FBXL20: variants seen among roughly 807,000 people sequenced by gnomAD.
The protein encoded by FBXL20 is F-box and leucine rich repeat protein 20, also known as F-box/LRR-repeat protein 20.
A neutral mutation model predicts 64.0 loss-of-function variants in FBXL20; 11 were observed. That is an observed-to-expected ratio of 0.17 (90% CI 0.11 to 0.28). FBXL20 has a LOEUF of 0.28. FBXL20 is among the 10% of genes least tolerant of loss of function. The pLI is 1.00. For synonymous variants in FBXL20, 184 were observed against 189.0 expected, an observed-to-expected ratio of 0.97 and a Z score of 0.22; for missense variants, 303 against 526.2, an observed-to-expected ratio of 0.58 and a Z score of 4.15.
chr17:39,304,659 A>C (rs914252026), intron 2 of FBXL20, among the ~76,000 whole-genome samples: 11 of 152,120 alleles, frequency 7.2e-5, no homozygotes, highest in Non-Finnish European at 1.5e-4. Flanking sequence ...TGGTGCAGTC[A>C]TCATTCACTC....
upstream of FBXL20, chr17:39,402,060 C>T (rs922791369): frequency 5.4e-5 from 53 of 973,246 alleles, no homozygotes; most frequent in Non-Finnish European, 6.8e-5. Flanking sequence ...CACCTGCCTG[C>T]ACAGAACCTC....
At position 39,262,717 on chromosome 17, in the gene FBXL20, G is replaced by A. The variant is rs995719296; in HGVS notation, c.1204-1150C>T. ...TCCAGCTTTTTAAAACTTCTTTTTC[G>A]GCCGGGCGCAGTGGCTCATGCCTGT... On this transcript the variant is annotated intron_variant, in intron 14 of 14. Transcript: ENST00000264658. Among the ~76,000 whole-genome samples the A allele has an allele frequency of 2.6e-5, 4 of 151,762 alleles. No homozygotes were observed. The East Asian group carries it at 5.8e-4, about 22-fold the overall frequency.
At chr17:39,349,089 T>C (rs2047661914) in intron 1 of FBXL20, among the ~76,000 whole-genome samples, 2 of 151,696 alleles carry the variant, frequency 1.3e-5, no homozygotes, top group Non-Finnish European at 2.9e-5. Context: ...CCGTCTCTAC[T>C]AAAAATACAC....
At chr17:39,306,825 G>A (rs1396965206) in intron 2 of FBXL20, among the ~76,000 whole-genome samples, 1 of 152,178 alleles carries the variant, frequency 6.6e-6, no homozygotes, top group East Asian at 1.9e-4. Flanking sequence ...AGAGGCCCAT[G>A]TAAGGGACTG....
chr17:39,397,514 C>G (rs1386785614), intron 1 of FBXL20, among the ~76,000 whole-genome samples: 1 of 152,088 alleles, frequency 6.6e-6, no homozygotes, highest in Admixed American at 6.6e-5. Flanking sequence ...TCCAACAGTA[C>G]TACATCCTCA....
rs531343507 is a variant in FBXL20 at position 39,337,794 on chromosome 17, G to A, written c.104+5386C>T. On this transcript the variant is annotated intron_variant, in intron 2 of 14. Coordinates refer to ENST00000264658, the MANE Select transcript of FBXL20 (RefSeq NM_032875.3). Reference sequence around the variant, plus strand: ...GGAGGTGGGGGTCAGCCCCCGCCAGGCCAGCTGCCCCGTCCAGGAGGGAGG... The same window carrying A: ...GGAGGTGGGGGTCAGCCCCCGCCAGACCAGCTGCCCCGTCCAGGAGGGAGG... Among the ~76,000 whole-genome samples, 122 of 151,636 alleles carry A rather than the reference G, an allele frequency of 8.0e-4. 1 individual carries two copies. Among genetic ancestry groups the A allele is most frequent in the African/African-American group, 2.9e-3 (119 of 41,316 alleles).
intron 1 of FBXL20, among the ~76,000 whole-genome samples, chr17:39,380,368 C>T (rs988401447): frequency 6.6e-6 from 1 of 152,220 alleles, no homozygotes; most frequent in African/African-American, 2.4e-5. Context: ...GACCTCATCC[C>T]TACCACTGTT....
At chr17:39,342,033 C>T (rs970216804) in intron 2 of FBXL20, among the ~76,000 whole-genome samples, 3 of 152,198 alleles carry the variant, frequency 2.0e-5, no homozygotes, top group African/African-American at 7.2e-5. Flanking sequence ...ACTCCTATCC[C>T]GCAATTTGGT....
chr17:39,285,635 T>C, intron 6 of FBXL20, 62 bp from the exon 7 acceptor site: 1 of 1,074,928 alleles, frequency 9.3e-7, no homozygotes, highest in East Asian at 2.5e-5. Context: ...CCTTGGTATA[T>C]CAGACACTGT....
At chr17:39,383,356 C>T (rs916967566) in intron 1 of FBXL20, among the ~76,000 whole-genome samples, 1 of 152,102 alleles carries the variant, frequency 6.6e-6, no homozygotes. Context: ...TATGATGGCT[C>T]ATGCCTATAA....
chr17:39,393,297 A>AAAT (rs1224521677), intron 1 of FBXL20, among the ~76,000 whole-genome samples: 1 of 151,810 alleles, frequency 6.6e-6, no homozygotes, highest in Non-Finnish European at 1.5e-5. Flanking sequence ...CAGGAAAAAA[A>AAAT]AATAATAAAT....
chr17:39,273,820 A>G (rs2046867828), intron 10 of FBXL20, among the ~76,000 whole-genome samples: 1 of 84,254 alleles, frequency 1.2e-5, no homozygotes, highest in Non-Finnish European at 3.2e-5. Context: ...ACTCTGTTTC[A>G]GAAAAAAAAA....
intron 2 of FBXL20, among the ~76,000 whole-genome samples, chr17:39,330,013 A>G (rs2047445139): frequency 6.6e-6 from 1 of 151,884 alleles, no homozygotes; most frequent in Admixed American, 6.6e-5. Flanking sequence ...CAAAAATAGG[A>G]TGGGCGCGGT....
intron 1 of FBXL20, among the ~76,000 whole-genome samples, chr17:39,377,562 G>A (rs891924766): frequency 2.7e-5 from 4 of 150,880 alleles, no homozygotes; most frequent in East Asian, 2.0e-4. Flanking sequence ...GTGCAGTGGC[G>A]CGATCTAGGC....
chr17:39,377,980 C>G (rs1395549952), intron 1 of FBXL20, among the ~76,000 whole-genome samples: 1 of 152,088 alleles, frequency 6.6e-6, no homozygotes, highest in African/African-American at 2.4e-5. Context: ...AGCCTGCACT[C>G]TAGCCTGGGC....
At chr17:39,398,548 G>T (rs2048209559) in intron 1 of FBXL20, among the ~76,000 whole-genome samples, 1 of 152,184 alleles carries the variant, frequency 6.6e-6, no homozygotes, top group African/African-American at 2.4e-5. Flanking sequence ...TGGTGACACA[G>T]CAAGAAAAAC....
chr17:39,291,047 C>T (rs541085823), intron 6 of FBXL20, among the ~76,000 whole-genome samples: 2 of 151,782 alleles, frequency 1.3e-5, no homozygotes, highest in East Asian at 1.9e-4. Flanking sequence ...CTGCAAGCTC[C>T]GCCTCCCGGG....
intron 1 of FBXL20, among the ~76,000 whole-genome samples, chr17:39,389,050 G>A (rs1199245494): frequency 7.3e-6 from 1 of 137,472 alleles, no homozygotes; most frequent in African/African-American, 2.8e-5. Flanking sequence ...GTTGTAGTAA[G>A]CTGAGATCAC....
At chr17:39,367,630 T>C (rs368274970) in intron 1 of FBXL20, among the ~76,000 whole-genome samples, 1 of 152,134 alleles carries the variant, frequency 6.6e-6, no homozygotes, top group Non-Finnish European at 1.5e-5. Context: ...CTTTAATTTG[T>C]TAAATAATTT....
Sources: gnomAD v4.1 joint callset for allele counts (sites outside exome capture counted in the v4.1 genomes callset) on GRCh38, gnomAD v4.1.1 for gene constraint, MANE v1.5 for transcripts, NCBI Gene and HGNC (gene_info 2026-07-23, HGNC 2026-07-21) for gene names.